Variants in RUNX1T1 observed in about 807,000 individuals in gnomAD.
The protein encoded by RUNX1T1 is protein CBFA2T1.
RUNX1T1 carries 4 observed loss-of-function variants against 62.8 expected under a neutral mutation model. The observed-to-expected ratio is 0.06, with a 90% CI of 0.03 to 0.15. The LOEUF (loss-of-function observed/expected upper bound fraction) is 0.15. RUNX1T1 is among the 10% of genes least tolerant of loss of function. The probability of loss-of-function intolerance (pLI) is 1.00; values close to 1 mark genes in which losing one functional copy is unlikely to be tolerated. For synonymous variants in RUNX1T1, 291 were observed against 286.0 expected (o/e 1.02, Z -0.18); for missense variants, 508 against 754.3 (o/e 0.67, Z 3.82).
At chr8:92,103,287 G>A (rs1157414039), upstream of RUNX1T1, 3 of 222,314 alleles carry the variant, frequency 1.3e-5, no homozygotes, top group Non-Finnish European at 2.7e-5. Context: ...GCCCGCCCTC[G>A]CTCACTCTCG....
At chr8:92,065,242 T>C (rs1012316766), upstream of RUNX1T1, among the ~76,000 whole-genome samples, 1 of 152,128 alleles carries the variant, frequency 6.6e-6, no homozygotes, top group Non-Finnish European at 1.5e-5. Context: ...AATTGTATAA[T>C]AAAAATAGAC....
chr8:92,027,014 G>A (rs1825318889), intron 1 of RUNX1T1, among the ~76,000 whole-genome samples: 1 of 150,484 alleles, frequency 6.6e-6, no homozygotes, highest in Admixed American at 6.6e-5. Context: ...TACTCGGGAG[G>A]CTGAGGCAGG....
chr8:92,053,820 C>T (rs534183694), intron 1 of RUNX1T1, among the ~76,000 whole-genome samples: 3 of 152,228 alleles, frequency 2.0e-5, no homozygotes, highest in Admixed American at 6.5e-5. Context: ...TACTCTATGC[C>T]AGGCTCACAG....
chr8:92,060,748 T>C (rs1488305513), intron 1 of RUNX1T1, among the ~76,000 whole-genome samples: 1 of 151,932 alleles, frequency 6.6e-6, no homozygotes, highest in Non-Finnish European at 1.5e-5. Context: ...TAAAATAAGC[T>C]AAAAACATAT....
At chr8:92,050,642 G>C (rs977329027) in intron 1 of RUNX1T1, among the ~76,000 whole-genome samples, 2 of 152,124 alleles carry the variant, frequency 1.3e-5, no homozygotes, top group African/African-American at 4.8e-5. Context: ...ACATTTTACT[G>C]ATCTTAAAAC....
intron 1 of RUNX1T1, chr8:92,095,036 GT>G: frequency 6.5e-7 from 1 of 1,535,380 alleles, no homozygotes; most frequent in Non-Finnish European, 8.7e-7. Flanking sequence ...ACCTCGGTGA[GT>G]CCTGTCTGGA....
chr8:91,989,916 C>T (rs1197174144), intron 6 of RUNX1T1, among the ~76,000 whole-genome samples: 5 of 152,156 alleles, frequency 3.3e-5, no homozygotes, highest in Non-Finnish European at 7.4e-5. Context: ...AAATTATATG[C>T]ATAGCCATTT....
At chr8:91,972,397 AT>A (rs1666729297) in intron 9 of RUNX1T1, among the ~76,000 whole-genome samples, 1 of 152,158 alleles carries the variant, frequency 6.6e-6, no homozygotes, top group Non-Finnish European at 1.5e-5. Flanking sequence ...TAAAAGATCC[AT>A]AGTGGAAATA....
At chr8:92,034,091 G>A (rs1423424634) in intron 1 of RUNX1T1, among the ~76,000 whole-genome samples, 1 of 152,136 alleles carries the variant, frequency 6.6e-6, no homozygotes, top group Non-Finnish European at 1.5e-5. Flanking sequence ...AAGAGGCGGA[G>A]TTATCTATAG....
At chr8:92,005,575 C>T (rs1456143192) in intron 4 of RUNX1T1, 4 of 389,332 alleles carry the variant, frequency 1.0e-5, no homozygotes, top group Non-Finnish European at 1.8e-5. Flanking sequence ...TTTTAGGGTC[C>T]CTTTATACTT....
At chr8:92,068,887 G>A (rs1833260951) in intron 2 of RUNX1T1, among the ~76,000 whole-genome samples, 1 of 152,082 alleles carries the variant, frequency 6.6e-6, no homozygotes, top group South Asian at 2.1e-4. Context: ...TAGACATGCA[G>A]CTTAATAAAA....
At chr8:91,976,242 T>G (rs1239880848) in intron 8 of RUNX1T1, among the ~76,000 whole-genome samples, 1 of 152,238 alleles carries the variant, frequency 6.6e-6, no homozygotes, top group Non-Finnish European at 1.5e-5. Flanking sequence ...ATATGATGTT[T>G]GGGAACACTG....
At chr8:92,003,735 C>T (rs1290651327) in intron 5 of RUNX1T1, among the ~76,000 whole-genome samples, 1 of 152,222 alleles carries the variant, frequency 6.6e-6, no homozygotes, top group Non-Finnish European at 1.5e-5. Flanking sequence ...TGGTTTTCAG[C>T]ATCATGTGGA....
intron 1 of RUNX1T1, among the ~76,000 whole-genome samples, chr8:92,040,285 A>G (rs1340626593): frequency 1.3e-5 from 2 of 152,222 alleles, no homozygotes; most frequent in Non-Finnish European, 2.9e-5. Context: ...TATTTTACAT[A>G]CATTTATTAG....
Position 92,059,751 on chromosome 8 carries a change from C to A in RUNX1T1, c.7+2795G>T, listed in dbSNP as rs550943679. ...TTCTCTGCTAAGGAAAATATGTGGG[C>A]AATTTATGAAATGCACTCCAGGATG... On this transcript the variant is annotated intron_variant, in intron 1 of 10. Transcript: ENST00000396218. Among the ~76,000 whole-genome samples, 18 of 152,148 alleles carry A rather than the reference C, an allele frequency of 1.2e-4. No homozygotes were observed. The East Asian group carries it at 2.3e-3, about 20-fold the overall frequency.
chr8:92,081,274 T>C, intron 1 of RUNX1T1: 1 of 970,554 alleles, frequency 1.0e-6, no homozygotes, highest in Non-Finnish European at 1.2e-6. Flanking sequence ...TCCAGTGTGC[T>C]CAGTTCTTAT....
At chr8:92,023,620 C>A (rs1824554394) in intron 1 of RUNX1T1, among the ~76,000 whole-genome samples, 1 of 152,210 alleles carries the variant, frequency 6.6e-6, no homozygotes, top group South Asian at 2.1e-4. Flanking sequence ...GTCACCAAAA[C>A]AATCACTAGG....
downstream of RUNX1T1, chr8:91,955,787 CTG>C (rs144898958): frequency 6.6e-3 from 1,488 of 226,132 alleles, 22 homozygotes; most frequent in African/African-American, 0.03. Context: ...ATAAGATAAT[CTG>C]TGTTTTGAAA....
At chr8:91,970,919 A>C (rs1812697882) in intron 9 of RUNX1T1, 71 bp from the exon 11 acceptor site, 1 of 1,286,574 alleles carries the variant, frequency 7.8e-7, no homozygotes, top group African/African-American at 1.5e-5. Flanking sequence ...GATACGGATT[A>C]CTTTTCTTTT....
Sources: allele counts gnomAD v4.1 joint callset (sites outside exome capture counted in the v4.1 genomes callset), GRCh38; gene constraint gnomAD v4.1.1; transcripts MANE v1.5; gene names NCBI Gene and HGNC (gene_info 2026-07-23, HGNC 2026-07-21).